Variants in VPS50 observed in about 807,000 individuals in gnomAD.
VPS50 encodes the protein VPS50 subunit of EARP/GARPII complex.
VPS50 carries 70 observed loss-of-function variants against 139.7 expected under a neutral mutation model. The ratio of observed to expected loss-of-function variants is 0.50; its 90% CI spans 0.41 to 0.61. VPS50 has a LOEUF of 0.61. Ranked by LOEUF, VPS50 falls within the 20% of genes least tolerant of loss-of-function variation. The probability of loss-of-function intolerance (pLI) is 0.00; values close to 1 mark genes in which losing one functional copy is unlikely to be tolerated. For synonymous variants in VPS50, 365 were observed against 376.7 expected, an observed-to-expected ratio of 0.97 and a Z score of 0.36; for missense variants, 921 against 1,133.7, an observed-to-expected ratio of 0.81 and a Z score of 2.69.
intron 11 of VPS50, 171 bp from the exon 12 acceptor site, chr7:93,275,994 A>G (rs1437011868): frequency 1.7e-6 from 1 of 585,784 alleles, no homozygotes; most frequent in African/African-American, 1.9e-5. Context: ...GTGAAGGATT[A>G]TTTGCAAATA....
At chr7:93,292,759 A>C (rs189217844) in intron 13 of VPS50, among the ~76,000 whole-genome samples, 4 of 152,208 alleles carry the variant, frequency 2.6e-5, no homozygotes, top group Non-Finnish European at 5.9e-5. Flanking sequence ...GACTTACAAG[A>C]AGCTTGTAAA....
chr7:93,272,835 A>G (rs1796049016), intron 11 of VPS50, 102 bp downstream of exon 11: 1 of 584,334 alleles, frequency 1.7e-6, no homozygotes, highest in Non-Finnish European at 3.0e-6. Flanking sequence ...AAAAAGTTTT[A>G]TTTAACGAAG....
chr7:93,274,203 T>C (rs1036104022), intron 11 of VPS50, among the ~76,000 whole-genome samples: 1 of 152,086 alleles, frequency 6.6e-6, no homozygotes, highest in African/African-American at 2.4e-5. Context: ...TTAGTGAAGA[T>C]GGCTATGCTA....
intron 4 of VPS50, among the ~76,000 whole-genome samples, chr7:93,255,751 A>G (rs1407751651): frequency 6.6e-6 from 1 of 152,234 alleles, no homozygotes; most frequent in Non-Finnish European, 1.5e-5. Context: ...TGAAAGGATT[A>G]ATGCAGTAGT....
At chr7:93,241,848 T>A (rs911655262) in intron 2 of VPS50, among the ~76,000 whole-genome samples, 2 of 152,106 alleles carry the variant, frequency 1.3e-5, no homozygotes, top group Non-Finnish European at 2.9e-5. Flanking sequence ...CACATATATT[T>A]TAATGATTTA....
intron 24 of VPS50, 54 bp downstream of exon 24, chr7:93,348,861 A>C (rs1584495448): frequency 8.5e-7 from 1 of 1,181,764 alleles, no homozygotes; most frequent in Non-Finnish European, 1.2e-6. Context: ...GGACTGTCAC[A>C]GATTATTTAG....
At chr7:93,350,419 A>G (rs1798523577) in intron 25 of VPS50, among the ~76,000 whole-genome samples, 1 of 152,170 alleles carries the variant, frequency 6.6e-6, no homozygotes, top group African/African-American at 2.4e-5. Flanking sequence ...TAAAAATCAC[A>G]CTACTTTTGC....
At chr7:93,342,012 C>G (rs1798225660) in intron 23 of VPS50, among the ~76,000 whole-genome samples, 1 of 152,156 alleles carries the variant, frequency 6.6e-6, no homozygotes. Flanking sequence ...GTCTGCAGCT[C>G]CCAGCGTGAA....
At chr7:93,271,377 T>C (rs1796005386) in intron 10 of VPS50, 115 bp downstream of exon 10, 1 of 1,317,616 alleles carries the variant, frequency 7.6e-7, no homozygotes, top group Non-Finnish European at 9.8e-7. Context: ...TCTAGATCAC[T>C]GTATTTCTTG....
rs1798696932 is a variant in VPS50 at position 93,355,998 on chromosome 7, C to T, written c.2693C>T (p.Pro898Leu). Reference sequence around the variant, plus strand: ...AAACTAACAGATATTAGACCCATTCCTGATAAAGAATTTGTAGAAACTTAT... The same window carrying T: ...AAACTAACAGATATTAGACCCATTCTTGATAAAGAATTTGTAGAAACTTAT... ...LEKLTDIRPIPDKEFVETYIK... is the reference protein window; with the variant it reads ...LEKLTDIRPILDKEFVETYIK... Residue 898 changes from proline to leucine, a missense_variant, in exon 27 of 28, where the codon CCT becomes CTT. Pro to Leu is a moderately conservative substitution (Grantham distance 98). Coordinates refer to ENST00000305866, the MANE Select transcript of VPS50 (RefSeq NM_017667.4). The T allele has an allele frequency of 1.3e-6, 2 of 1,583,732 alleles. No individual in the cohort carries two copies. The highest frequency in any genetic ancestry group is 1.7e-6 in the Non-Finnish European group (2 of 1,157,004).
chr7:93,267,753 ATATT>A (rs1284450315), intron 9 of VPS50, among the ~76,000 whole-genome samples: 2 of 152,172 alleles, frequency 1.3e-5, no homozygotes, highest in Non-Finnish European at 1.5e-5. Context: ...GGAAGAAAGG[ATATT>A]CAAGTTATTG....
chr7:93,305,508 A>G (rs1797089695), intron 17 of VPS50, among the ~76,000 whole-genome samples: 2 of 151,860 alleles, frequency 1.3e-5, no homozygotes, highest in Non-Finnish European at 2.9e-5. Context: ...TGTTCTGTTA[A>G]AATTTTTAGA....
Position 93,239,943 on chromosome 7 carries a change from CT to C in VPS50, c.102+10del. On this transcript the variant is annotated intron_variant, in intron 2 of 27. Transcript: ENST00000305866. ...TCCGGGTCCCTGGAAAGGTATTGAG[CT>C]ACACGTGTGAGCGTGACTTTTTACT... 6.4e-7 allele frequency: 1 copy of C among 1,552,388 alleles called. No individual in the cohort carries two copies. The highest frequency in any genetic ancestry group is 8.9e-7 in the Non-Finnish European group (1 of 1,124,694).
intron 8 of VPS50, 70 bp from the exon 9 acceptor site, chr7:93,259,480 A>ATT: frequency 3.8e-6 from 3 of 783,554 alleles, no homozygotes; most frequent in Non-Finnish European, 6.5e-6. Context: ...ATGAACAGAG[A>ATT]TTTTTTTTTA....
intron 1 of VPS50, among the ~76,000 whole-genome samples, chr7:93,233,346 TTAAGA>T (rs1794695819): frequency 6.6e-6 from 1 of 152,240 alleles, no homozygotes; most frequent in South Asian, 2.1e-4. Context: ...TGAAAGATAG[TTAAGA>T]TTAGAGTTTT....
intron 22 of VPS50, among the ~76,000 whole-genome samples, chr7:93,337,672 A>G (rs1038824444): frequency 2.0e-5 from 3 of 152,156 alleles, no homozygotes; most frequent in Admixed American, 6.5e-5. Context: ...TTAATTATAC[A>G]ATATTTTAAA....
chr7:93,323,044 A>C (rs149609462), intron 20 of VPS50, among the ~76,000 whole-genome samples: 77 of 152,332 alleles, frequency 5.1e-4, no homozygotes, highest in African/African-American at 1.7e-3. Flanking sequence ...TGATAAAGAA[A>C]TGTTCTTGGC....
chr7:93,350,954 C>CT (rs1218633339), intron 25 of VPS50, among the ~76,000 whole-genome samples: 1 of 152,180 alleles, frequency 6.6e-6, no homozygotes, highest in Non-Finnish European at 1.5e-5. Flanking sequence ...CACAATCATT[C>CT]TTACCTGCTT....
chr7:93,237,887 C>G (rs1475931487), intron 1 of VPS50, among the ~76,000 whole-genome samples: 1 of 152,142 alleles, frequency 6.6e-6, no homozygotes, highest in African/African-American at 2.4e-5. Context: ...CTGATCCTCT[C>G]TCTCCTCCTA....
Sources: gnomAD v4.1 joint callset for allele counts (sites outside exome capture counted in the v4.1 genomes callset) on GRCh38, gnomAD v4.1.1 for gene constraint, MANE v1.5 for transcripts, NCBI Gene and HGNC (gene_info 2026-07-23, HGNC 2026-07-21) for gene names.